Variants in REDIC1 observed in about 807,000 individuals in gnomAD.
The protein encoded by REDIC1 is regulator of DNA class I crossover intermediates 1, also known as HEI10 Interacting Protein 1.
the REDIC1 span, among the ~76,000 whole-genome samples, chr12:39,718,434 G>A: frequency 4.0e-3 from 603 of 152,198 alleles, 4 homozygotes; most frequent in African/African-American, 0.014. Context: ...AAGCACTGAT[G>A]GAATCAACTC....
chr12:39,782,011 A>G, the REDIC1 span, among the ~76,000 whole-genome samples: 2 of 152,200 alleles, frequency 1.3e-5, no homozygotes, highest in Non-Finnish European at 2.9e-5. Context: ...CCCAACATCT[A>G]GGCTCTATCT....
the REDIC1 span, among the ~76,000 whole-genome samples, chr12:39,897,159 C>T: frequency 6.6e-6 from 1 of 152,044 alleles, no homozygotes; most frequent in Admixed American, 6.6e-5. Context: ...TTTATTCTGC[C>T]TTCTGGTTAA....
chr12:39,757,401 G>T, the REDIC1 span: 1 of 151,630 alleles, frequency 6.6e-6, no homozygotes, highest in Admixed American at 6.6e-5. Flanking sequence ...GATAGTGGTA[G>T]CCAAATATGC....
chr12:39,824,041 A>G, the REDIC1 span, among the ~76,000 whole-genome samples: 2 of 152,294 alleles, frequency 1.3e-5, no homozygotes, highest in African/African-American at 4.8e-5. Flanking sequence ...ACCCTTATAT[A>G]TTTTTATAAG....
chr12:39,635,207 A>C, the REDIC1 span, among the ~76,000 whole-genome samples: 200 of 152,320 alleles, frequency 1.3e-3, no homozygotes, highest in African/African-American at 4.7e-3. Context: ...AGTGTAAATT[A>C]GTTCAACCAT....
the REDIC1 span, among the ~76,000 whole-genome samples, chr12:39,687,470 C>T: frequency 8.2e-6 from 1 of 122,540 alleles, no homozygotes; most frequent in African/African-American, 2.9e-5. Context: ...AAGACAGGAG[C>T]AAGAGAGAGT....
chr12:39,800,103 T>TA, the REDIC1 span, among the ~76,000 whole-genome samples: 3 of 152,138 alleles, frequency 2.0e-5, no homozygotes, highest in African/African-American at 7.2e-5. Flanking sequence ...CTAGGTACAA[T>TA]AAAAAATCAG....
the REDIC1 span, among the ~76,000 whole-genome samples, chr12:39,895,538 ATATATATATAT>A: frequency 1.5e-5 from 2 of 135,010 alleles, no homozygotes; most frequent in Admixed American, 7.9e-5. Context: ...ATATATATAT[ATATATATATAT>A]ATACACACAC....
chr12:39,842,920 C>A, the REDIC1 span, among the ~76,000 whole-genome samples: 1 of 151,908 alleles, frequency 6.6e-6, no homozygotes, highest in Non-Finnish European at 1.5e-5. Context: ...GTGGTTCAGC[C>A]ATATTATAGC....
chr12:39,896,484 A>ATATATGTATACATATATGTATATGTGTG, the REDIC1 span, among the ~76,000 whole-genome samples: 305 of 140,648 alleles, frequency 2.2e-3, 14 homozygotes, highest in Middle Eastern at 8.2e-3. Flanking sequence ...GTATATGTGT[A>ATATATGTATACATATATGTATATGTGTG]TATATGTACA....
chr12:39,829,376 T>C, the REDIC1 span: 1 of 144,826 alleles, frequency 6.9e-6, no homozygotes, highest in Non-Finnish European at 1.5e-5. Context: ...TAAAAGAATG[T>C]AATGTGATAG....
At chr12:39,896,478 A>ATG in the REDIC1 span, among the ~76,000 whole-genome samples, 489 of 138,132 alleles carry the variant, frequency 3.5e-3, 21 homozygotes, top group African/African-American at 9.7e-3. Flanking sequence ...ATATATGTAT[A>ATG]TGTGTATATA....
chr12:39,838,674 G>A, the REDIC1 span, among the ~76,000 whole-genome samples: 44 of 152,088 alleles, frequency 2.9e-4, no homozygotes, highest in African/African-American at 1.0e-3. Context: ...AGAAAGGATG[G>A]CCTATTTTCA....
At chr12:39,859,202 T>C in the REDIC1 span, among the ~76,000 whole-genome samples, 2 of 151,266 alleles carry the variant, frequency 1.3e-5, no homozygotes, top group African/African-American at 2.4e-5. Flanking sequence ...ACTATCACTA[T>C]ACAGAAAAAG....
the REDIC1 span, chr12:39,757,133 A>ATGAT: frequency 6.6e-6 from 1 of 151,826 alleles, no homozygotes; most frequent in Non-Finnish European, 1.5e-5. Flanking sequence ...TGCAGATGAA[A>ATGAT]TGATATATCC....
chr12:39,628,205 ACT>A, the REDIC1 span, among the ~76,000 whole-genome samples: 1,613 of 151,686 alleles, frequency 0.011, 27 homozygotes, highest in African/African-American at 0.036. Context: ...GAAATGAAAA[ACT>A]CTTGTGAAAT....
the REDIC1 span, among the ~76,000 whole-genome samples, chr12:39,861,874 TA>T: frequency 6.6e-6 from 1 of 151,998 alleles, no homozygotes; most frequent in African/African-American, 2.4e-5. Flanking sequence ...TGTTTTTTTT[TA>T]AATTTAATTT....
the REDIC1 span, among the ~76,000 whole-genome samples, chr12:39,627,464 T>A: frequency 1.3e-5 from 2 of 152,216 alleles, no homozygotes. Flanking sequence ...AAAATGTAGA[T>A]GTTGCTATTA....
At chr12:39,712,716 CGTATACGTGTATATATGTATATAG>C in the REDIC1 span, among the ~76,000 whole-genome samples, 1 of 126,444 alleles carries the variant, frequency 7.9e-6, no homozygotes, top group Non-Finnish European at 1.6e-5. Context: ...TGTATATAGA[CGTATACGTGTATATATGTATATAG>C]ACGTGTACAC....
Sources: gnomAD v4.1 joint callset for allele counts (sites outside exome capture counted in the v4.1 genomes callset) on GRCh38, gnomAD v4.1.1 for gene constraint, MANE v1.5 for transcripts, NCBI Gene and HGNC (gene_info 2026-07-23, HGNC 2026-07-21) for gene names.